Variants in CYP7B1 observed in about 807,000 individuals in gnomAD.
CYP7B1 encodes the protein cytochrome P450 family 7 subfamily B member 1.
In CYP7B1, 29 loss-of-function variants were observed where a neutral mutation model predicts 42.7. The ratio of observed to expected loss-of-function variants is 0.68; its 90% CI spans 0.51 to 0.93. The LOEUF is 0.93. Ranked by LOEUF, CYP7B1 falls within the 40% of genes least tolerant of loss-of-function variation. CYP7B1 has a pLI of 0.00. For missense variants in CYP7B1, 655 were observed against 600.5 expected, an observed-to-expected ratio of 1.09 and a Z score of -0.95; for synonymous variants, 235 against 218.2, an observed-to-expected ratio of 1.08 and a Z score of -0.68.
At chr8:64,633,654 C>G (rs1435528621) in intron 1 of CYP7B1, among the ~76,000 whole-genome samples, 1 of 152,056 alleles carries the variant, frequency 6.6e-6, no homozygotes, top group Non-Finnish European at 1.5e-5. Flanking sequence ...ATATTCTATG[C>G]ACATGGATAG....
chr8:64,729,087 G>A (rs1807370027), intron 1 of CYP7B1: 2 of 152,216 alleles, frequency 1.3e-5, no homozygotes, highest in Admixed American at 6.5e-5. Context: ...TTGAGCCTGG[G>A]AAGTTGAGGC....
At chr8:64,640,219 G>A (rs755041752) in intron 1 of CYP7B1, among the ~76,000 whole-genome samples, 1 of 152,004 alleles carries the variant, frequency 6.6e-6, no homozygotes, top group Non-Finnish European at 1.5e-5. Context: ...TTGTGGTGAT[G>A]GCTGCAAAAC....
intron 1 of CYP7B1, among the ~76,000 whole-genome samples, chr8:64,645,281 T>C (rs1270271913): frequency 6.6e-6 from 1 of 151,966 alleles, no homozygotes; most frequent in Admixed American, 6.6e-5. Context: ...TACCCAGTAA[T>C]GGGATGGCTG....
chr8:64,644,975 T>G (rs1805927092), intron 1 of CYP7B1, among the ~76,000 whole-genome samples: 1 of 149,776 alleles, frequency 6.7e-6, no homozygotes, highest in Non-Finnish European at 1.5e-5. Context: ...GTGTTCTCCT[T>G]GTTCAATTCC....
In CYP7B1 at chr8:64,647,749, A is replaced by G. The variant is rs144008244; in HGVS notation, c.123-23210T>C. ...ACATTTTATTCTATTCAGGCCCTCA[A>G]TGTACCGGATGATGCCCTCCCGCAG... On this transcript the variant is annotated intron_variant, in intron 1 of 5. Transcript: ENST00000310193. Among the ~76,000 whole-genome samples, 5 of 152,244 alleles carry G rather than the reference A, an allele frequency of 3.3e-5. No homozygotes were observed. In the East Asian group the frequency reaches 9.7e-4, roughly 29 times the overall value.
At chr8:64,690,467 G>A (rs550771193) in intron 1 of CYP7B1, among the ~76,000 whole-genome samples, 2 of 152,158 alleles carry the variant, frequency 1.3e-5, no homozygotes, top group East Asian at 1.9e-4. Context: ...TGGAGGAAGG[G>A]GTGGATAGAG....
At chr8:64,665,855 C>T (rs903879157) in intron 1 of CYP7B1, among the ~76,000 whole-genome samples, 27 of 152,042 alleles carry the variant, frequency 1.8e-4, no homozygotes, top group African/African-American at 6.3e-4. Flanking sequence ...GGATTACAGG[C>T]GTGAGCCACC....
At chr8:64,696,798 C>T (rs1806835692) in intron 1 of CYP7B1, among the ~76,000 whole-genome samples, 1 of 151,922 alleles carries the variant, frequency 6.6e-6, no homozygotes, top group African/African-American at 2.4e-5. Context: ...AGAACAAGTT[C>T]CTAGGTAATT....
At chr8:64,704,929 T>C (rs1806971204) in intron 1 of CYP7B1, among the ~76,000 whole-genome samples, 1 of 152,048 alleles carries the variant, frequency 6.6e-6, no homozygotes, top group South Asian at 2.1e-4. Flanking sequence ...TTCCACTGAC[T>C]CTATTAGGAT....
chr8:64,703,771 CA>C (rs2129632508), intron 1 of CYP7B1: 1 of 152,124 alleles, frequency 6.6e-6, no homozygotes, highest in East Asian at 1.9e-4. Context: ...ATCAATACAA[CA>C]GTCTATCTTT....
chr8:64,720,402 A>C (rs976950393), intron 1 of CYP7B1, among the ~76,000 whole-genome samples: 2 of 152,216 alleles, frequency 1.3e-5, no homozygotes, highest in African/African-American at 4.8e-5. Context: ...TGAAAATATC[A>C]GCTGACCTAT....
intron 1 of CYP7B1, among the ~76,000 whole-genome samples, chr8:64,783,288 T>A (rs1341064547): frequency 6.6e-6 from 1 of 152,162 alleles, no homozygotes; most frequent in Non-Finnish European, 1.5e-5. Context: ...TGAGAGTAAT[T>A]AAGTAATTAG....
intron 1 of CYP7B1, among the ~76,000 whole-genome samples, chr8:64,731,990 C>A (rs1358588317): frequency 6.6e-6 from 1 of 152,210 alleles, no homozygotes; most frequent in East Asian, 1.9e-4. Flanking sequence ...GATGTCCAGG[C>A]AGAAGTGTGC....
At position 64,604,917 on chromosome 8, in the gene CYP7B1, C is replaced by G. The variant is rs1241499830; in HGVS notation, c.1058-60G>C. The G allele has an allele frequency of 3.2e-6, 5 of 1,549,878 alleles. No homozygotes were observed. In the African/African-American group the frequency reaches 5.5e-5, roughly 17 times the overall value. On this transcript the variant is annotated intron_variant, in intron 4 of 5. Coordinates refer to ENST00000310193, the MANE Select transcript of CYP7B1 (RefSeq NM_004820.5). ...TAGGGCTGGTCCTGAAAACTGCTCT[C>G]AGTTTGCAATAAAACTCATTACTAA...
chr8:64,691,070 C>G (rs573488619), intron 1 of CYP7B1, among the ~76,000 whole-genome samples: 1 of 152,246 alleles, frequency 6.6e-6, no homozygotes, highest in South Asian at 2.1e-4. Context: ...GGTGGTTTAA[C>G]AATGACAGTG....
At chr8:64,699,194 C>A (rs186676524) in intron 1 of CYP7B1, among the ~76,000 whole-genome samples, 1 of 152,046 alleles carries the variant, frequency 6.6e-6, no homozygotes, top group Admixed American at 6.6e-5. Context: ...AAGGCCTTCA[C>A]AAAGAGTTGA....
Position 64,685,952 on chromosome 8 carries a change from C to T in CYP7B1, c.123-61413G>A, listed in dbSNP as rs1252810073. On this transcript the variant is annotated intron_variant, in intron 1 of 5. Transcript: ENST00000310193. ...GGGGTCAGCCCCCCGCCCGGCCAGC[C>T]GCCCCTTCCGGGAGGTGAGGGGCGC... Among the ~76,000 whole-genome samples the T allele has an allele frequency of 4.6e-4, 15 of 32,896 alleles. 1 individual carries two copies. The East Asian group carries it at 6.5e-3, about 14-fold the overall frequency. The allele number at this position is 32,896 out of a possible 152,430, so 21.6% of individuals were successfully genotyped here.
At position 64,641,841 on chromosome 8, in the gene CYP7B1, A is replaced by C. The variant is rs1585825552; in HGVS notation, c.123-17302T>G. 2.0e-5 allele frequency among the ~76,000 whole-genome samples: 3 copies of C among 152,308 alleles called. No homozygotes were observed. The South Asian group carries it at 6.2e-4, about 32-fold the overall frequency. On this transcript the variant is annotated intron_variant, in intron 1 of 5. Coordinates refer to ENST00000310193, the MANE Select transcript of CYP7B1 (RefSeq NM_004820.5). ...CACTATGTTCTCTTCCTACTGCCAC[A>C]AGTAAAAAAAAACATCACACACAGA...
At chr8:64,740,583 T>G (rs1807552697) in intron 1 of CYP7B1, among the ~76,000 whole-genome samples, 1 of 151,510 alleles carries the variant, frequency 6.6e-6, no homozygotes, top group Non-Finnish European at 1.5e-5. Flanking sequence ...ATCAATAAAT[T>G]TGATAAATCT....
Sources: gnomAD v4.1 joint callset for allele counts (sites outside exome capture counted in the v4.1 genomes callset) on GRCh38, gnomAD v4.1.1 for gene constraint, MANE v1.5 for transcripts, NCBI Gene and HGNC (gene_info 2026-07-23, HGNC 2026-07-21) for gene names.